Variants in STYK1 observed in about 807,000 individuals in gnomAD.
STYK1 encodes the protein tyrosine-protein kinase STYK1.
STYK1 carries 46 observed loss-of-function variants against 48.1 expected under a neutral mutation model. That is an observed-to-expected ratio of 0.96 (90% confidence interval 0.75 to 1.22). The LOEUF (loss-of-function observed/expected upper bound fraction) is 1.22. Among genes scored for constraint, STYK1 ranks in the 50% most tolerant of loss-of-function variants. The pLI, the probability that STYK1 is intolerant of heterozygous loss-of-function variation, is 0.00. For synonymous variants in STYK1, 188 were observed against 189.0 expected, an observed-to-expected ratio of 0.99 and a Z score of 0.04; for missense variants, 527 against 521.1, an observed-to-expected ratio of 1.01 and a Z score of -0.11.
rs370335511 is a variant in STYK1 at position 10,634,457 on chromosome 12, T to C, written c.52+110A>G. ...CTAGTCCCCATCCTTTTATCACCAC[T>C]GTCTTCATTTCTACTGGAAATCAAA... On this transcript the variant is annotated intron_variant, in intron 3 of 10. Coordinates refer to ENST00000075503, the MANE Select transcript of STYK1 (RefSeq NM_018423.3). 127 of 1,234,784 alleles carry C rather than the reference T, an allele frequency of 1.0e-4. 3 individuals carry two copies. The East Asian group carries it at 1.3e-3, about 13-fold the overall frequency. The allele number at this position is 1,234,784 out of a possible 1,614,324, so 76.5% of individuals were successfully genotyped here.
intron 1 of STYK1, among the ~76,000 whole-genome samples, chr12:10,655,915 T>A (rs1178619151): frequency 6.6e-6 from 1 of 152,238 alleles, no homozygotes; most frequent in Non-Finnish European, 1.5e-5. Flanking sequence ...ATGTTTTTTC[T>A]CTTCTTGGAT....
intron 4 of STYK1, 116 bp downstream of exon 4, chr12:10,633,874 T>C: frequency 7.7e-7 from 1 of 1,292,160 alleles, no homozygotes; most frequent in Non-Finnish European, 1.1e-6. Context: ...AACCCATGCC[T>C]CTCTCATTGC....
Position 10,627,686 on chromosome 12 carries a change from T to G in STYK1, c.672A>C (p.Thr224=). ...TTCCGATGTGATATACTTGTTTTTCTGTGAGATCATAGAGAAGACCATCCA... is the reference window on the plus strand; with the variant it reads ...TTCCGATGTGATATACTTGTTTTTCGGTGAGATCATAGAGAAGACCATCCA... ...MTMDGLLYDL[T]EKQVYHIGKQ... Residue 224 remains threonine (T), a synonymous_variant, in exon 7 of 11, where the codon ACA becomes ACC. Transcript: ENST00000075503. 6.2e-7 allele frequency: 1 copy of G among 1,613,850 alleles called. No individual in the cohort carries two copies. The highest frequency in any genetic ancestry group is 8.5e-7 in the Non-Finnish European group (1 of 1,179,910).
At chr12:10,638,551 A>C (rs1947510374) in intron 1 of STYK1, among the ~76,000 whole-genome samples, 1 of 152,224 alleles carries the variant, frequency 6.6e-6, no homozygotes, top group Non-Finnish European at 1.5e-5. Flanking sequence ...ACTTTTACAC[A>C]TACAATACAA....
At position 10,619,931 on chromosome 12, in the gene STYK1, C is replaced by G; in HGVS notation, c.*213G>C. 1 of 616,892 alleles carries G rather than the reference C, an allele frequency of 1.6e-6. No homozygotes were observed. The highest frequency in any genetic ancestry group is 2.8e-6 in the Non-Finnish European group (1 of 352,672). The allele number at this position is 616,892 out of a possible 1,614,324, so 38.2% of individuals were successfully genotyped here. A position where few individuals can be genotyped will look rare whatever the true frequency, so the allele number is the denominator to read the frequency against. On this transcript the variant is annotated 3_prime_UTR_variant, in exon 11 of 11. Coordinates refer to ENST00000075503, the MANE Select transcript of STYK1 (RefSeq NM_018423.3). ...CTACCCAGGATTTCTAGGACTGGGA[C>G]AGCAGAAGTGAGACTGACAGTATGT...
intron 7 of STYK1, among the ~76,000 whole-genome samples, chr12:10,626,735 G>A (rs915053546): frequency 3.9e-5 from 6 of 152,074 alleles, no homozygotes; most frequent in African/African-American, 1.4e-4. Flanking sequence ...GGCCGGGCAC[G>A]GTGGCTCATG....
chr12:10,658,642 C>A (rs1169420215), intron 1 of STYK1, among the ~76,000 whole-genome samples: 2 of 152,158 alleles, frequency 1.3e-5, no homozygotes, highest in East Asian at 3.9e-4. Flanking sequence ...CGTATTAGGT[C>A]CCCTAAAGTC....
chr12:10,659,193 T>G (rs1947750183), intron 1 of STYK1, among the ~76,000 whole-genome samples: 2 of 152,212 alleles, frequency 1.3e-5, no homozygotes, highest in African/African-American at 4.8e-5. Context: ...AAAACATTGC[T>G]AATTCTTTGC....
chr12:10,623,537 G>A (rs1169387176), intron 8 of STYK1, among the ~76,000 whole-genome samples: 1 of 151,952 alleles, frequency 6.6e-6, no homozygotes, highest in Non-Finnish European at 1.5e-5. Context: ...TAATCAATTA[G>A]GTATTTTATA....
chr12:10,664,777 G>A (rs551495962), intron 1 of STYK1, among the ~76,000 whole-genome samples: 2 of 152,286 alleles, frequency 1.3e-5, no homozygotes, highest in African/African-American at 4.8e-5. Context: ...TGGTGTGGGA[G>A]GGGAGATTAT....
At chr12:10,623,062 C>CATTTA (rs1565557862) in intron 8 of STYK1, among the ~76,000 whole-genome samples, 1 of 152,006 alleles carries the variant, frequency 6.6e-6, no homozygotes, top group African/African-American at 2.4e-5. Context: ...AAATTCTTGC[C>CATTTA]TTTATTCTTA....
At chr12:10,653,332 A>G (rs7486826) in intron 1 of STYK1, among the ~76,000 whole-genome samples, 83,609 of 151,754 alleles carry the variant, frequency 0.55, 23,768 homozygotes, top group East Asian at 0.79. Context: ...GATTACAGGC[A>G]TGATCCACCA....
At chr12:10,642,362 G>C (rs1010418217) in intron 1 of STYK1, among the ~76,000 whole-genome samples, 1 of 152,108 alleles carries the variant, frequency 6.6e-6, no homozygotes, top group African/African-American at 2.4e-5. Flanking sequence ...CTTTGTGAAG[G>C]TGTTTTCCCA....
intron 6 of STYK1, among the ~76,000 whole-genome samples, chr12:10,628,481 A>G (rs1314807974): frequency 1.3e-5 from 2 of 152,218 alleles, no homozygotes; most frequent in Non-Finnish European, 2.9e-5. Flanking sequence ...AGAGGACAAA[A>G]CAAGTTTTAG....
At chr12:10,622,134 A>T (rs1865917698) in intron 9 of STYK1, among the ~76,000 whole-genome samples, 162 bp from the exon 10 acceptor site, 1 of 152,204 alleles carries the variant, frequency 6.6e-6, no homozygotes. Context: ...TATGGATATA[A>T]TTTAGTGAAT....
At chr12:10,660,587 T>C (rs1342925884) in intron 1 of STYK1, among the ~76,000 whole-genome samples, 4 of 139,132 alleles carry the variant, frequency 2.9e-5, no homozygotes, top group African/African-American at 1.0e-4. Context: ...AGTTACAGAG[T>C]GAGATGGGAG....
chr12:10,622,709 T>G (rs778028649), intron 8 of STYK1, 31 bp from the exon 9 acceptor site: 38 of 1,613,548 alleles, frequency 2.4e-5, no homozygotes, highest in Non-Finnish European at 3.1e-5. Context: ...TCTATTTAAT[T>G]TCTATTTCTG....
Position 10,621,951 on chromosome 12 carries a change from A to T in STYK1, c.989T>A (p.Val330Asp). The change falls in exon 10 of 11, where the codon GTC becomes GAC. Residue 330 changes from valine to aspartate, a missense_variant. Coordinates refer to ENST00000075503, the MANE Select transcript of STYK1 (RefSeq NM_018423.3). Reference protein sequence around the residue: ...VTLGAPPYPEVPPTSILEHLQ... With the variant: ...VTLGAPPYPEDPPTSILEHLQ... ...ATGCTCTAGGATGCTGGTAGGAGGG[A>T]CTTCAGGATACGGTGGTGCTCCTGT... 1 of 1,613,810 alleles carries T rather than the reference A, an allele frequency of 6.2e-7. No homozygotes were observed. Among genetic ancestry groups the T allele is most frequent in the Non-Finnish European group, 8.5e-7 (1 of 1,179,786 alleles).
intron 1 of STYK1, among the ~76,000 whole-genome samples, chr12:10,641,958 T>G (rs1467584425): frequency 6.6e-6 from 1 of 152,188 alleles, no homozygotes; most frequent in Non-Finnish European, 1.5e-5. Context: ...TGGTGGGTGA[T>G]TCATTCAGCA....
Sources: allele counts gnomAD v4.1 joint callset (sites outside exome capture counted in the v4.1 genomes callset), GRCh38; gene constraint gnomAD v4.1.1; transcripts MANE v1.5; gene names NCBI Gene and HGNC (gene_info 2026-07-23, HGNC 2026-07-21).